Variants in GSE1 observed in about 807,000 individuals in gnomAD.
The protein encoded by GSE1 is genetic suppressor element 1.
GSE1 carries 32 observed loss-of-function variants against 112.6 expected under a neutral mutation model. The ratio of observed to expected loss-of-function variants is 0.28; its 90% confidence interval spans 0.21 to 0.38. GSE1 has a LOEUF of 0.38. Among genes scored for constraint, GSE1 ranks in the 10% least tolerant of loss-of-function variants. GSE1 has a pLI of 1.00. For synonymous variants in GSE1, 1,115 were observed against 735.6 expected, an observed-to-expected ratio of 1.52 and a Z score of -8.35; for missense variants, 2,348 against 1,699.2, an observed-to-expected ratio of 1.38 and a Z score of -6.71.
At chr16:85,172,556 G>A (rs374664154) in intron 1 of GSE1, among the ~76,000 whole-genome samples, 22 of 152,350 alleles carry the variant, frequency 1.4e-4, no homozygotes, top group African/African-American at 5.3e-4. Context: ...ATCCGGCTTT[G>A]CAAGGGACCA....
At chr16:85,310,855 G>A (rs533985437) in intron 1 of GSE1, among the ~76,000 whole-genome samples, 2 of 151,966 alleles carry the variant, frequency 1.3e-5, no homozygotes, top group African/African-American at 2.4e-5. Flanking sequence ...GTGGCCAGGT[G>A]GGCTGCAAGG....
chr16:85,491,527 C>T (rs1567532454), intron 2 of GSE1, among the ~76,000 whole-genome samples: 1 of 152,186 alleles, frequency 6.6e-6, no homozygotes, highest in Non-Finnish European at 1.5e-5. Context: ...AGAAGCTGCC[C>T]TCTGGCAGGG....
At chr16:85,551,874 G>C (rs1047999773), upstream of GSE1, among the ~76,000 whole-genome samples, 2 of 152,206 alleles carry the variant, frequency 1.3e-5, no homozygotes, top group Non-Finnish European at 2.9e-5. Context: ...GTTTACCTTT[G>C]ACTAGGAAGC....
rs373675052 is a variant in GSE1 at position 85,486,094 on chromosome 16, G to T, written c.2464+128451G>T. On this transcript the variant is annotated intron_variant, in intron 2 of 2. Coordinates refer to the GSE1 transcript ENST00000637419. The stretch of plus-strand genomic sequence containing the variant: ...CACCTCAGGTGCAGCCCTGCCAACT[G>T]GGGGCACCCCATGCCCAGTCCCTCC... Among the ~76,000 whole-genome samples the T allele has an allele frequency of 1.6e-4, 24 of 152,234 alleles. No individual in the cohort carries two copies. The East Asian group carries it at 4.1e-3, about 26-fold the overall frequency.
At chr16:85,443,102 C>T (rs369443747) in intron 2 of GSE1, among the ~76,000 whole-genome samples, 3 of 152,212 alleles carry the variant, frequency 2.0e-5, no homozygotes, top group South Asian at 2.1e-4. Context: ...ATGACATCTG[C>T]GAAGATCCTC....
At chr16:85,303,035 G>A (rs774792794) in intron 1 of GSE1, among the ~76,000 whole-genome samples, 208 of 152,356 alleles carry the variant, frequency 1.4e-3, no homozygotes, top group Non-Finnish European at 2.7e-3. Flanking sequence ...TGCGCTGACT[G>A]GAGCCAGTCC....
At chr16:85,658,200 C>A (rs2052135102) in intron 8 of GSE1, among the ~76,000 whole-genome samples, 2 of 152,174 alleles carry the variant, frequency 1.3e-5, no homozygotes, top group Admixed American at 1.3e-4. Context: ...CCCTGCCTGC[C>A]CTGGGATTCC....
intron 1 of GSE1, among the ~76,000 whole-genome samples, chr16:85,333,521 G>T (rs560792899): frequency 6.6e-6 from 1 of 152,240 alleles, no homozygotes; most frequent in African/African-American, 2.4e-5. Flanking sequence ...GGCTTGGGGG[G>T]CCTGGGTCAG....
intron 2 of GSE1, among the ~76,000 whole-genome samples, chr16:85,464,510 C>G (rs1434929483): frequency 6.6e-6 from 1 of 152,240 alleles, no homozygotes; most frequent in Non-Finnish European, 1.5e-5. Context: ...GCCTCGGCAG[C>G]CCCCAGACGG....
chr16:85,635,033 G>C (rs1451155642), intron 2 of GSE1, among the ~76,000 whole-genome samples: 1 of 152,170 alleles, frequency 6.6e-6, no homozygotes, highest in African/African-American at 2.4e-5. Flanking sequence ...CCGGGTGCCA[G>C]GGCCCTCCGG....
At chr16:85,538,280 T>C (rs1187548398) in intron 2 of GSE1, among the ~76,000 whole-genome samples, 1 of 152,232 alleles carries the variant, frequency 6.6e-6, no homozygotes, top group African/African-American at 2.4e-5. Flanking sequence ...TGCTGAGCCC[T>C]GCAAAAGGCA....
At chr16:85,627,228 G>T (rs1397822448) in intron 1 of GSE1, among the ~76,000 whole-genome samples, 2 of 151,418 alleles carry the variant, frequency 1.3e-5, no homozygotes, top group African/African-American at 4.9e-5. Flanking sequence ...TTTCCTGTCT[G>T]TGAAATGGTG....
In GSE1 at chr16:85,654,822, C is replaced by T. The variant is rs563709852; in HGVS notation, c.628C>T (p.Pro210Ser). The T allele has an allele frequency of 1.9e-6, 3 of 1,610,732 alleles. No homozygotes were observed. The highest frequency in any genetic ancestry group is 1.7e-5 in the Admixed American group (1 of 59,940). Reference sequence around the variant, plus strand: ...CCAGCGGCCCGTGCACCACGTGGTGCCCCCCAGTACCGTGACCGAGGACTA... The same window carrying T: ...CCAGCGGCCCGTGCACCACGTGGTGTCCCCCAGTACCGTGACCGAGGACTA... ...NLQRPVHHVV[P>S]PSTVTEDYLR... The change falls in exon 5 of 16, where the codon CCC becomes TCC. Residue 210 changes from proline to serine, a missense_variant. Transcript: ENST00000253458.
chr16:85,335,200 CT>C (rs2046456926), intron 1 of GSE1, among the ~76,000 whole-genome samples: 2 of 152,242 alleles, frequency 1.3e-5, no homozygotes, highest in Non-Finnish European at 2.9e-5. Context: ...ATCATTTTCT[CT>C]CCCTACACCC....
rs1455429283 is a variant in GSE1, at chr16:85,478,935, T to C, written c.2464+121292T>C. Among the ~76,000 whole-genome samples the C allele has an allele frequency of 5.7e-4, 67 of 117,114 alleles. 5 individuals are homozygous for C. The highest frequency in any genetic ancestry group is 2.2e-3 in the African/African-American group (63 of 28,560). The allele number at this position is 117,114 out of a possible 152,430, so 76.8% of individuals were successfully genotyped here. ...TCTTTCTTTCTTTCTTTCTCTTTCT[T>C]TCTTTCTTTCTTTTTTTTTCTTTCT... On this transcript the variant is annotated intron_variant, in intron 2 of 2. Coordinates refer to the GSE1 transcript ENST00000637419.
chr16:85,352,745 T>C (rs1008493550), intron 1 of GSE1, among the ~76,000 whole-genome samples: 6 of 152,190 alleles, frequency 3.9e-5, no homozygotes, highest in African/African-American at 1.4e-4. Flanking sequence ...CACAAAACCC[T>C]GTGTGCCCCA....
intron 1 of GSE1, among the ~76,000 whole-genome samples, chr16:85,192,572 G>T (rs1450003530): frequency 6.6e-6 from 1 of 152,192 alleles, no homozygotes; most frequent in African/African-American, 2.4e-5. Flanking sequence ...GACCTCATCT[G>T]TGCTTCTGCT....
At chr16:85,581,039 C>T (rs2046426710) in intron 1 of GSE1, among the ~76,000 whole-genome samples, 1 of 152,238 alleles carries the variant, frequency 6.6e-6, no homozygotes, top group South Asian at 2.1e-4. Flanking sequence ...TCTTGCCCTG[C>T]TGGACATTAG....
At chr16:85,542,970 G>A (rs1379785324) in intron 2 of GSE1, among the ~76,000 whole-genome samples, 13 of 152,210 alleles carry the variant, frequency 8.5e-5, no homozygotes, top group Admixed American at 8.5e-4. Context: ...GCTCATGCCT[G>A]TAATCCCAGC....
Sources: allele counts gnomAD v4.1 joint callset (sites outside exome capture counted in the v4.1 genomes callset), GRCh38; gene constraint gnomAD v4.1.1; transcripts MANE v1.5; gene names NCBI Gene and HGNC (gene_info 2026-07-23, HGNC 2026-07-21).